The following TPCN1 variants were observed in gnomAD, a reference collection of about 807,000 sequenced individuals.
TPCN1 encodes the protein two pore segment channel 1.
TPCN1 carries 52 observed loss-of-function variants against 108.8 expected under a neutral mutation model. That is an observed-to-expected ratio of 0.48 (90% CI 0.38 to 0.60). TPCN1 has a LOEUF of 0.60. Among genes scored for constraint, TPCN1 ranks in the 20% least tolerant of loss-of-function variants. TPCN1 has a pLI of 0.00. For synonymous variants in TPCN1, 446 were observed against 433.7 expected (o/e 1.03, Z -0.35); for missense variants, 806 against 1,072.8 (o/e 0.75, Z 3.47).
Position 113,293,061 on chromosome 12 carries a change from G to A in TPCN1, c.2241G>A (p.Met747Ile), listed in dbSNP as rs1349110557. The A allele has an allele frequency of 6.2e-7, 1 of 1,612,296 alleles. No homozygotes were observed. The highest frequency in any genetic ancestry group is 1.7e-5 in the Admixed American group (1 of 59,862). ...GGCTGCTGGAGACCCTCTCCCAGAT[G>A]GAGAGATACCAGGTGAGGAGCCCAG... The part of the protein sequence containing the change: ...VTRLLETLSQ[M>I]ERYQQHSMVF... Residue 747 changes from methionine (M) to isoleucine (I), a missense_variant, in exon 26 of 28, where the codon ATG becomes ATA. By Grantham distance (10) the Met-to-Ile change is conservative. Coordinates refer to ENST00000335509, the MANE Select transcript of TPCN1 (RefSeq NM_017901.6).
In TPCN1 at chr12:113,288,977, G is replaced by A. The variant is rs115615834; in HGVS notation, c.1796+130G>A. On this transcript the variant is annotated intron_variant, in intron 21 of 27. Transcript: ENST00000335509. This position sits in a 1 kb window ranked among gnomAD's most constrained non-coding sequence, Gnocchi z 4.8. ...CCTGTCTAAGCAACCACCTTGCTTTGCTTTCAGGGCTTAGTTGAGTGCAGT... is the reference window on the plus strand; with the variant it reads ...CCTGTCTAAGCAACCACCTTGCTTTACTTTCAGGGCTTAGTTGAGTGCAGT... 2.0e-3 allele frequency: 1,711 copies of A among 873,478 alleles called. 23 individuals are homozygous for A. The African/African-American group carries it at 0.022, about 11-fold the overall frequency. 54.1% of individuals were successfully genotyped at this position (873,478 alleles called of 1,614,324 possible).
intron 2 of TPCN1, among the ~76,000 whole-genome samples, chr12:113,253,754 T>G (rs1488168999): frequency 6.6e-6 from 1 of 152,238 alleles, no homozygotes; most frequent in Non-Finnish European, 1.5e-5. Flanking sequence ...AAGGCTCACC[T>G]GATTTCAAGA....
chr12:113,225,900 G>A (rs2136427352), intron 1 of TPCN1, among the ~76,000 whole-genome samples: 1 of 152,214 alleles, frequency 6.6e-6, no homozygotes, highest in Admixed American at 6.5e-5. Context: ...TGTTGCCCAA[G>A]CCAGAGTGCA....
chr12:113,286,965 C>T, intron 18 of TPCN1, 22 bp from the exon 19 acceptor site: 1 of 1,594,504 alleles, frequency 6.3e-7, no homozygotes, highest in Non-Finnish European at 8.6e-7. Flanking sequence ...CAGGGTGGAC[C>T]TTGGCCTCTC....
chr12:113,265,040 G>A (rs552584306), intron 3 of TPCN1, among the ~76,000 whole-genome samples: 7 of 152,028 alleles, frequency 4.6e-5, no homozygotes, highest in South Asian at 2.1e-4. Flanking sequence ...TGGCCAGGCC[G>A]GCCTCGAACT....
chr12:113,271,393 C>T (rs999873361), intron 7 of TPCN1, among the ~76,000 whole-genome samples: 4 of 152,160 alleles, frequency 2.6e-5, no homozygotes, highest in Non-Finnish European at 2.9e-5. Flanking sequence ...TTGTGATTCC[C>T]GCTTTCCCCA....
rs1327074526 is a variant in TPCN1, at chr12:113,278,185, G to A, written c.1185-4G>A. ...TTTGTCCCTTTTTATTTTGCTTTTGGTAGCCTAAAGGACTTTTACGATATC... is the reference window on the plus strand; with the variant it reads ...TTTGTCCCTTTTTATTTTGCTTTTGATAGCCTAAAGGACTTTTACGATATC... On this transcript the variant is annotated splice_polypyrimidine_tract_variant and splice_region_variant and intron_variant, in intron 12 of 27. Transcript: ENST00000335509. 5 of 1,613,364 alleles carry A rather than the reference G, an allele frequency of 3.1e-6. No homozygotes were observed. The highest frequency in any genetic ancestry group is 4.2e-6 in the Non-Finnish European group (5 of 1,179,570).
intron 23 of TPCN1, among the ~76,000 whole-genome samples, 185 bp downstream of exon 23, chr12:113,291,183 T>C (rs12298653): frequency 0.13 from 20,239 of 152,100 alleles, 1,880 homozygotes; most frequent in African/African-American, 0.25. Flanking sequence ...CCCCTCCCAG[T>C]GTTGGCTGGA....
intron 3 of TPCN1, among the ~76,000 whole-genome samples, chr12:113,265,414 A>C (rs1955218389): frequency 6.6e-6 from 1 of 152,074 alleles, no homozygotes; most frequent in African/African-American, 2.4e-5. Flanking sequence ...AGGGTTCAGC[A>C]CGTGTGGTTC....
Position 113,269,944 on chromosome 12 carries a change from C to A in TPCN1, c.748+99C>A. 7.3e-7 allele frequency: 1 copy of A among 1,365,462 alleles called. No homozygotes were observed. Among genetic ancestry groups the A allele is most frequent in the Non-Finnish European group, 1.0e-6 (1 of 975,450 alleles). 84.6% of individuals were successfully genotyped at this position (1,365,462 alleles called of 1,614,324 possible). ...TGGCTCAGTGGCTCACGCCTGTAAT[C>A]CTAGCATTTTGGGAGGCCAAGGTGG... On this transcript the variant is annotated intron_variant, in intron 7 of 27. Coordinates refer to ENST00000335509, the MANE Select transcript of TPCN1 (RefSeq NM_017901.6). This position sits in a 1 kb window ranked among gnomAD's most constrained non-coding sequence, Gnocchi z 5.0.
Position 113,266,339 on chromosome 12 carries a change from C to T in TPCN1, c.397C>T (p.Leu133Phe), listed in dbSNP as rs778553842. 2 of 1,608,282 alleles carry T rather than the reference C, an allele frequency of 1.2e-6. No individual in the cohort carries two copies. The highest frequency in any genetic ancestry group is 2.7e-5 in the African/African-American group (2 of 74,950). The change falls in exon 4 of 28, where the codon CTC becomes TTC. Residue 133 changes from leucine to phenylalanine, a missense_variant. Transcript: ENST00000335509. This position sits in a 1 kb window ranked among gnomAD's most constrained non-coding sequence, Gnocchi z 4.2. ...GTGCGAGGCCCCCGCCGTCCCCGCA[C>T]TCCGGCTTGGCATCTATGTGAGCGC... ...SLCEAPAVPA[L>F]RLGIYVHATL...
chr12:113,296,145 C>T lies in TPCN1; in HGVS notation c.*69C>T. On this transcript the variant is annotated 3_prime_UTR_variant, in exon 28 of 28. Coordinates refer to ENST00000335509, the MANE Select transcript of TPCN1 (RefSeq NM_017901.6). Reference sequence around the variant, plus strand: ...TATTACTCTACTGCGATGTACGGAACTGCGGTGTGTGTACACATACTCACG... The same window carrying T: ...TATTACTCTACTGCGATGTACGGAATTGCGGTGTGTGTACACATACTCACG... 1.3e-6 allele frequency: 2 copies of T among 1,577,736 alleles called. No individual in the cohort carries two copies. Among genetic ancestry groups the T allele is most frequent in the Non-Finnish European group, 8.7e-7 (1 of 1,155,384 alleles).
At position 113,288,497 on chromosome 12, in the gene TPCN1, A is replaced by G; in HGVS notation, c.1707-261A>G. 2.0e-6 allele frequency: 3 copies of G among 1,502,588 alleles called. No homozygotes were observed. The highest frequency in any genetic ancestry group is 1.3e-5 in the South Asian group (1 of 79,244). 93.1% of individuals were successfully genotyped at this position (1,502,588 alleles called of 1,614,324 possible). On this transcript the variant is annotated intron_variant, in intron 20 of 27. Coordinates refer to ENST00000335509, the MANE Select transcript of TPCN1 (RefSeq NM_017901.6). The surrounding 1 kb of genome is among the most constrained non-coding windows in gnomAD (Gnocchi z 4.8). ...ACCACCTGTGTCTACATTCACAGGT[A>G]AGGGGTCACCTGTGAGTCTACCTTC...
intron 3 of TPCN1, among the ~76,000 whole-genome samples, chr12:113,263,586 G>A (rs1955127225): frequency 6.6e-6 from 1 of 152,244 alleles, no homozygotes; most frequent in African/African-American, 2.4e-5. Flanking sequence ...TTTCACGCTT[G>A]CAGCCAAGCT....
chr12:113,269,432 T>A lies in TPCN1; in HGVS notation c.660-325T>A, dbSNP rs939704827. On this transcript the variant is annotated intron_variant, in intron 6 of 27. Transcript: ENST00000335509. This position sits in a 1 kb window ranked among gnomAD's most constrained non-coding sequence, Gnocchi z 5.0. ...TTGAAATGTCTTCATGCCTTCCACA[T>A]CCTGCTCATGGAAACTGACCTTTGC... Among the ~76,000 whole-genome samples the A allele has an allele frequency of 6.6e-6, 1 of 152,290 alleles. No homozygotes were observed. The highest frequency in any genetic ancestry group is 2.4e-5 in the African/African-American group (1 of 41,564).
Position 113,290,256 on chromosome 12 carries a change from A to G in TPCN1, c.1912+13A>G. 2 of 1,547,800 alleles carry G rather than the reference A, an allele frequency of 1.3e-6. No individual in the cohort carries two copies. The highest frequency in any genetic ancestry group is 1.8e-6 in the Non-Finnish European group (2 of 1,132,018). On this transcript the variant is annotated intron_variant, in intron 22 of 27. Coordinates refer to ENST00000335509, the MANE Select transcript of TPCN1 (RefSeq NM_017901.6). ...CTCAACAGCTTTGGTGAGTGGGAAAAATCACAGGGGGCACATTCCCTGGGG... is the reference window on the plus strand; with the variant it reads ...CTCAACAGCTTTGGTGAGTGGGAAAGATCACAGGGGGCACATTCCCTGGGG...
At chr12:113,279,315 ATATG>A (rs1447131117) in intron 14 of TPCN1, among the ~76,000 whole-genome samples, 7 of 126,924 alleles carry the variant, frequency 5.5e-5, no homozygotes, top group Non-Finnish European at 1.1e-4. Context: ...GTGTATATAT[ATATG>A]TGTGTGTGTG....
chr12:113,261,412 CTTT>C (rs1188898527), intron 3 of TPCN1, among the ~76,000 whole-genome samples: 6 of 87,496 alleles, frequency 6.9e-5, no homozygotes, highest in African/African-American at 2.8e-4. Context: ...ATAGCATAAG[CTTT>C]TTTTTTTTTT....
rs995276994 is a variant in TPCN1, at chr12:113,276,825, G to A, written c.943-94G>A. On this transcript the variant is annotated intron_variant, in intron 10 of 27. Coordinates refer to ENST00000335509, the MANE Select transcript of TPCN1 (RefSeq NM_017901.6). ...GGGCCTCTCTGGGGTGACTGGGTAA[G>A]AGCCTTGCCTAGATGATGAACTCAT... The A allele has an allele frequency of 1.3e-5, 11 of 840,338 alleles. 1 individual carries two copies. In the Admixed American group the frequency reaches 1.4e-4, roughly 11 times the overall value. The allele number at this position is 840,338 out of a possible 1,614,324, so 52.1% of individuals were successfully genotyped here.
Sources: gnomAD v4.1 joint callset for allele counts (sites outside exome capture counted in the v4.1 genomes callset) on GRCh38, gnomAD v4.1.1 for gene constraint, Gnocchi (gnomAD v3.1) non-coding constraint, MANE v1.5 for transcripts, NCBI Gene and HGNC (gene_info 2026-07-23, HGNC 2026-07-21) for gene names.